Variants in SMIM14 observed in about 807,000 individuals in gnomAD.
SMIM14 encodes the protein small integral membrane protein 14.
SMIM14 carries 5 observed loss-of-function variants against 12.6 expected under a neutral mutation model. The observed-to-expected ratio is 0.40, with a 90% CI of 0.21 to 0.83. SMIM14 has a LOEUF of 0.83. SMIM14 is among the 40% of genes least tolerant of loss of function. The pLI, the probability that SMIM14 is intolerant of heterozygous loss-of-function variation, is 0.37. For missense variants in SMIM14, 86 were observed against 119.1 expected (o/e 0.72, Z 1.29); for synonymous variants, 30 against 40.1 (o/e 0.75, Z 0.95).
At chr4:39,625,230 A>AAAAG (rs1180271631) in intron 1 of SMIM14, among the ~76,000 whole-genome samples, 1 of 151,730 alleles carries the variant, frequency 6.6e-6, no homozygotes, top group Non-Finnish European at 1.5e-5. Context: ...AAAAAAAAAA[A>AAAAG]AAAGAAAGAA....
intron 3 of SMIM14, among the ~76,000 whole-genome samples, chr4:39,560,014 C>G (rs972457397): frequency 4.0e-5 from 6 of 151,810 alleles, no homozygotes; most frequent in African/African-American, 1.4e-4. Context: ...CCCAGCTACT[C>G]AGGAGGCTGA....
intron 2 of SMIM14, among the ~76,000 whole-genome samples, chr4:39,590,165 G>C (rs1713990867): frequency 6.6e-6 from 1 of 151,940 alleles, no homozygotes; most frequent in African/African-American, 2.4e-5. Context: ...TGTAATCCCA[G>C]CACTTTGGGG....
chr4:39,633,580 G>A (rs1157473124), intron 1 of SMIM14, among the ~76,000 whole-genome samples: 1 of 152,100 alleles, frequency 6.6e-6, no homozygotes, highest in Non-Finnish European at 1.5e-5. Context: ...ATACCAACCT[G>A]AGCCTGTCTC....
rs1263630133 is a variant in SMIM14 at position 39,552,098 on chromosome 4, A to C, written c.*28T>G. 1 of 1,582,404 alleles carries C rather than the reference A, an allele frequency of 6.3e-7. No individual in the cohort carries two copies. The highest frequency in any genetic ancestry group is 8.6e-7 in the Non-Finnish European group (1 of 1,163,254). Reference sequence around the variant, plus strand: ...CGTTCGTTTGGTCGTGCAAGGTGTTAACTATTTTCACTTCCCATATCACAA... The same window carrying C: ...CGTTCGTTTGGTCGTGCAAGGTGTTCACTATTTTCACTTCCCATATCACAA... On this transcript the variant is annotated 3_prime_UTR_variant, in exon 5 of 5. Coordinates refer to ENST00000295958, the MANE Select transcript of SMIM14 (RefSeq NM_174921.3).
intron 1 of SMIM14, among the ~76,000 whole-genome samples, chr4:39,614,205 A>G (rs1022405345): frequency 2.0e-5 from 3 of 149,546 alleles, no homozygotes; most frequent in African/African-American, 7.3e-5. Context: ...AAAAAAAAAG[A>G]AAATTCAAAA....
At chr4:39,619,265 AATAT>A (rs1200545052) in intron 1 of SMIM14, among the ~76,000 whole-genome samples, 5 of 119,942 alleles carry the variant, frequency 4.2e-5, no homozygotes, top group African/African-American at 1.6e-4. Context: ...TATATCAATA[AATAT>A]AATTTATTCT....
chr4:39,637,058 A>G (rs963410569), intron 1 of SMIM14, among the ~76,000 whole-genome samples: 1 of 152,226 alleles, frequency 6.6e-6, no homozygotes, highest in African/African-American at 2.4e-5. Context: ...TACTCAAAAA[A>G]GAAGTACTAG....
chr4:39,578,221 C>T (rs1713302688), intron 2 of SMIM14, among the ~76,000 whole-genome samples: 1 of 152,190 alleles, frequency 6.6e-6, no homozygotes. Flanking sequence ...AATCATAGCT[C>T]ACTGCAGCCT....
At chr4:39,605,805 A>C (rs1714781021) in intron 1 of SMIM14, among the ~76,000 whole-genome samples, 2 of 152,278 alleles carry the variant, frequency 1.3e-5, no homozygotes, top group Admixed American at 1.3e-4. Context: ...CAGTGATACG[A>C]TCTCAGCTCA....
intron 1 of SMIM14, among the ~76,000 whole-genome samples, chr4:39,632,953 A>G (rs2109259473): frequency 6.6e-6 from 1 of 152,256 alleles, no homozygotes; most frequent in South Asian, 2.1e-4. Flanking sequence ...AAGTATGTAT[A>G]TATATATATA....
rs563155639 is a variant in SMIM14 at position 39,574,103 on chromosome 4, C to T, written c.76-1640G>A. On this transcript the variant is annotated intron_variant, in intron 2 of 4. Coordinates refer to ENST00000295958, the MANE Select transcript of SMIM14 (RefSeq NM_174921.3). ...TCCAAGTTAGTCTTATTACTAACTACACCCTCTCCATTAGAGTAGTAATCC... is the reference window on the plus strand; with the variant it reads ...TCCAAGTTAGTCTTATTACTAACTATACCCTCTCCATTAGAGTAGTAATCC... Among the ~76,000 whole-genome samples the T allele has an allele frequency of 6.6e-5, 10 of 152,234 alleles. No individual in the cohort carries two copies. The South Asian group carries it at 1.9e-3, about 28-fold the overall frequency.
intron 1 of SMIM14, among the ~76,000 whole-genome samples, chr4:39,614,028 A>G (rs1715124864): frequency 6.6e-6 from 1 of 151,886 alleles, no homozygotes; most frequent in Middle Eastern, 3.2e-3. Context: ...CCCAGTCTCT[A>G]CTAAAAATAC....
At chr4:39,575,897 C>CAT (rs1713145276) in intron 2 of SMIM14, among the ~76,000 whole-genome samples, 1 of 132,950 alleles carries the variant, frequency 7.5e-6, no homozygotes, top group Non-Finnish European at 1.6e-5. Context: ...ACCCAGCCTA[C>CAT]TTTTTTTTTT....
intron 2 of SMIM14, among the ~76,000 whole-genome samples, chr4:39,597,085 CTT>C (rs35373264): frequency 0.13 from 16,708 of 133,558 alleles, 1,554 homozygotes; most frequent in Middle Eastern, 0.22. Context: ...CCAGGTTTCC[CTT>C]TTTTTTTTTT....
At chr4:39,595,851 C>A (rs549631211) in intron 2 of SMIM14, among the ~76,000 whole-genome samples, 1 of 152,042 alleles carries the variant, frequency 6.6e-6, no homozygotes, top group South Asian at 2.1e-4. Flanking sequence ...CTCAAGTGAT[C>A]GGTGGCCTCT....
At chr4:39,574,925 G>C (rs1713089744) in intron 2 of SMIM14, among the ~76,000 whole-genome samples, 1 of 151,934 alleles carries the variant, frequency 6.6e-6, no homozygotes, top group South Asian at 2.1e-4. Context: ...CTTAAACCTA[G>C]GAGTTTGAGA....
intron 2 of SMIM14, among the ~76,000 whole-genome samples, chr4:39,577,414 C>A (rs1267940185): frequency 2.1e-5 from 3 of 145,398 alleles, no homozygotes; most frequent in African/African-American, 7.4e-5. Flanking sequence ...GCTGGGCAGA[C>A]AGGAGCCCTT....
At chr4:39,618,016 A>G (rs1054085841) in intron 1 of SMIM14, among the ~76,000 whole-genome samples, 5 of 152,176 alleles carry the variant, frequency 3.3e-5, no homozygotes, top group African/African-American at 1.2e-4. Flanking sequence ...ACCATAGTTG[A>G]GATGACAAAC....
At chr4:39,620,806 C>A (rs1482638855) in intron 1 of SMIM14, among the ~76,000 whole-genome samples, 1 of 152,140 alleles carries the variant, frequency 6.6e-6, no homozygotes, top group African/African-American at 2.4e-5. Context: ...CTTCTTTGGT[C>A]CTGGCAGGAA....
Sources: allele counts gnomAD v4.1 joint callset (sites outside exome capture counted in the v4.1 genomes callset), GRCh38; gene constraint gnomAD v4.1.1; transcripts MANE v1.5; gene names NCBI Gene and HGNC (gene_info 2026-07-23, HGNC 2026-07-21).